MAP4: variants seen among roughly 807,000 people sequenced by gnomAD.
The protein encoded by MAP4 is microtubule-associated protein 4.
Under a neutral mutation model 170.2 loss-of-function variants are expected in MAP4, and 76 were observed. The observed-to-expected ratio is 0.45, with a 90% confidence interval of 0.37 to 0.54. The LOEUF is 0.54. Among genes scored for constraint, MAP4 ranks in the 20% least tolerant of loss-of-function variants. The pLI, the probability that MAP4 is intolerant of heterozygous loss-of-function variation, is 0.00. For missense variants in MAP4, 2,506 were observed against 2,748.0 expected (o/e 0.91, Z 1.97); for synonymous variants, 909 against 994.5 (o/e 0.91, Z 1.62).
chr3:48,075,477 C>T (rs2100143382), intron 1 of MAP4, among the ~76,000 whole-genome samples: 1 of 151,726 alleles, frequency 6.6e-6, no homozygotes. Context: ...CAGTGAGCTG[C>T]GATCACGCCA....
intron 1 of MAP4, among the ~76,000 whole-genome samples, chr3:48,056,300 G>A (rs1335895698): frequency 8.4e-4 from 83 of 98,390 alleles, no homozygotes; most frequent in African/African-American, 1.3e-3. Context: ...CGCCCCGTCC[G>A]GGAGGTGAGG....
intron 1 of MAP4, among the ~76,000 whole-genome samples, chr3:48,050,187 G>A (rs2100126900): frequency 6.6e-6 from 1 of 150,944 alleles, no homozygotes; most frequent in Non-Finnish European, 1.5e-5. Context: ...TTGAACCCGG[G>A]AGCCAGAGAT....
chr3:48,019,816 G>T (rs2100109688), upstream of MAP4, among the ~76,000 whole-genome samples: 1 of 152,192 alleles, frequency 6.6e-6, no homozygotes, highest in Admixed American at 6.5e-5. Flanking sequence ...GTTCAAGGCT[G>T]CAGTGAGCCG....
intron 20 of MAP4, 66 bp downstream of exon 20, chr3:47,853,097 G>A: frequency 6.2e-7 from 1 of 1,613,926 alleles, no homozygotes; most frequent in Non-Finnish European, 8.5e-7. Context: ...CAAAAACAAA[G>A]GAGTTTCAAT....
intron 17 of MAP4, among the ~76,000 whole-genome samples, chr3:47,866,209 T>C (rs1429389541): frequency 6.6e-6 from 1 of 151,596 alleles, no homozygotes; most frequent in Non-Finnish European, 1.5e-5. Context: ...TGGTGGCGCA[T>C]GCCTGTAGCC....
At chr3:47,871,614 T>C (rs979958825) in intron 13 of MAP4, among the ~76,000 whole-genome samples, 2 of 152,188 alleles carry the variant, frequency 1.3e-5, no homozygotes, top group African/African-American at 4.8e-5. Context: ...GAGCACCACG[T>C]GCTAGGTGCT....
At position 47,916,349 on chromosome 3, in the gene MAP4, G is replaced by A; in HGVS notation, c.1478C>T (p.Ala493Val). The change falls in exon 7 of 21, where the codon GCT becomes GTT. Residue 493 changes from alanine to valine, a missense_variant. Physicochemically the swap from Ala to Val is moderately conservative, Grantham distance 64. Around this residue, in one of 3 missense-constraint regions of MAP4, gnomAD observed 2,008 missense variants for 2,206.0 expected, o/e 0.91. Transcript: ENST00000683076. ...ETEIAPAKDV[A>V]PSTVKEVGLL... The stretch of plus-strand genomic sequence containing the variant: ...GCCCACTTCTTTTACTGTGGACGGA[G>A]CCACATCCTTGGCCGGGGCTATTTC... 1 of 1,614,234 alleles carries A rather than the reference G, an allele frequency of 6.2e-7. No individual in the cohort carries two copies. The highest frequency in any genetic ancestry group is 8.5e-7 in the Non-Finnish European group (1 of 1,180,044).
In MAP4 at chr3:47,851,973, T is replaced by A. The variant is rs2043046463; in HGVS notation, c.*961A>T. ...GACAGAGATGCCAAAACCAGCCTCT[T>A]GGTTAGAAAAGAAAAGCAGCATACA... On this transcript the variant is annotated 3_prime_UTR_variant, in exon 21 of 21. Transcript: ENST00000683076. 6.6e-6 allele frequency: 1 copy of A among 151,934 alleles called. No individual in the cohort carries two copies. 9.4% of individuals were successfully genotyped at this position (151,934 alleles called of 1,614,324 possible). A position where few individuals can be genotyped will look rare whatever the true frequency, so the allele number is the denominator to read the frequency against.
At chr3:47,966,038 G>C (rs1037444579) in intron 3 of MAP4, among the ~76,000 whole-genome samples, 1 of 151,758 alleles carries the variant, frequency 6.6e-6, no homozygotes, top group Non-Finnish European at 1.5e-5. Context: ...TCCATTTTAA[G>C]TTAATTTTTG....
intron 10 of MAP4, among the ~76,000 whole-genome samples, chr3:47,886,380 A>T (rs1229124488): frequency 1.3e-5 from 2 of 152,174 alleles, no homozygotes; most frequent in African/African-American, 4.8e-5. Context: ...GGCTCACTGC[A>T]GCCTTGTCCT....
intron 15 of MAP4, among the ~76,000 whole-genome samples, chr3:47,869,762 T>C (rs1251766541): frequency 1.3e-5 from 2 of 152,030 alleles, no homozygotes; most frequent in African/African-American, 2.4e-5. Context: ...TTTAGGTATG[T>C]TGAAGCAGAA....
chr3:48,067,121 T>G (rs2100138730), intron 1 of MAP4, among the ~76,000 whole-genome samples: 2 of 152,032 alleles, frequency 1.3e-5, no homozygotes, highest in Non-Finnish European at 2.9e-5. Flanking sequence ...ATCACAAGCG[T>G]GAGCCACCGC....
chr3:48,011,536 G>C (rs2100105236), intron 1 of MAP4, among the ~76,000 whole-genome samples: 1 of 149,226 alleles, frequency 6.7e-6, no homozygotes, highest in Non-Finnish European at 1.5e-5. Context: ...CTACGTAACA[G>C]AGCAAGACTC....
intron 3 of MAP4, among the ~76,000 whole-genome samples, chr3:47,971,183 T>C (rs2100078519): frequency 1.3e-5 from 2 of 152,164 alleles, no homozygotes; most frequent in South Asian, 4.1e-4. Flanking sequence ...AGAAAAGAAA[T>C]AAAACTTTGT....
At chr3:48,056,119 G>T (rs1420672936) in intron 1 of MAP4, among the ~76,000 whole-genome samples, 19 of 144,838 alleles carry the variant, frequency 1.3e-4, no homozygotes, top group African/African-American at 4.5e-4. Context: ...AGGTGGGGGG[G>T]GGTCAGCCCC....
intron 3 of MAP4, among the ~76,000 whole-genome samples, chr3:47,933,853 C>T (rs749701734): frequency 1.3e-5 from 2 of 152,170 alleles, no homozygotes; most frequent in African/African-American, 4.8e-5. Flanking sequence ...CTGCCTGCCT[C>T]AGCCTCCCAA....
In MAP4 at chr3:47,977,875, G is replaced by C. The variant is rs780892984; in HGVS notation, c.282C>G (p.Ser94Arg). Residue 94 changes from serine to arginine, a missense_variant, in exon 3 of 21, where the codon AGC becomes AGG. By Grantham distance (110) the Ser-to-Arg change is moderately radical. This residue lies in a region of MAP4 where 2,008 missense variants were observed against 2,206.0 expected (regional missense o/e 0.91). Coordinates refer to ENST00000683076, the MANE Select transcript of MAP4 (RefSeq NM_001385682.1). Reference protein sequence around the residue: ...LANGGHGVEGSDTTGSPTEFL... With the variant: ...LANGGHGVEGRDTTGSPTEFL... Reference sequence around the variant, plus strand: ...CTGGGAATCACTTACCTGTAGTATCGCTCCCTTCTACTCCATGACCACCAT... The same window carrying C: ...CTGGGAATCACTTACCTGTAGTATCCCTCCCTTCTACTCCATGACCACCAT... The C allele has an allele frequency of 1.9e-6, 3 of 1,609,468 alleles. No individual in the cohort carries two copies. The highest frequency in any genetic ancestry group is 2.6e-6 in the Non-Finnish European group (3 of 1,176,306).
intron 3 of MAP4, chr3:47,974,466 T>C (rs912035743): frequency 5.1e-6 from 5 of 984,408 alleles, no homozygotes; most frequent in Admixed American, 6.2e-5. Context: ...TCTCAGAACA[T>C]GGTGCCAATT....
At chr3:48,042,897 A>C (rs1388283091) in intron 1 of MAP4, among the ~76,000 whole-genome samples, 1 of 152,180 alleles carries the variant, frequency 6.6e-6, no homozygotes, top group Non-Finnish European at 1.5e-5. Flanking sequence ...CTACTATATT[A>C]ATCTGTGTAT....
Sources: gnomAD v4.1 joint callset for allele counts (sites outside exome capture counted in the v4.1 genomes callset) on GRCh38, gnomAD v4.1.1 for gene constraint, gnomAD v4.1.1 regional missense constraint, MANE v1.5 for transcripts, NCBI Gene and HGNC (gene_info 2026-07-23, HGNC 2026-07-21) for gene names.